Variants in JMY observed in about 807,000 individuals in gnomAD.
JMY encodes junction mediating and regulatory protein, p53 cofactor.
In JMY, 46 loss-of-function variants were observed where a neutral mutation model predicts 103.3. The observed-to-expected ratio is 0.45, with a 90% CI of 0.35 to 0.57. The LOEUF (loss-of-function observed/expected upper bound fraction) is 0.57, where lower values mean the gene tolerates loss of function less well. Among genes scored for constraint, JMY ranks in the 20% least tolerant of loss-of-function variants. JMY has a pLI of 0.00. For synonymous variants in JMY, 526 were observed against 489.3 expected, an observed-to-expected ratio of 1.07 and a Z score of -0.99; for missense variants, 1,238 against 1,255.2, an observed-to-expected ratio of 0.99 and a Z score of 0.21.
chr5:79,237,700 T>C lies in JMY; in HGVS notation c.1032+18T>C, dbSNP rs1246154059. The C allele has an allele frequency of 3.8e-6, 6 of 1,596,798 alleles. No individual in the cohort carries two copies. Among genetic ancestry groups the C allele is most frequent in the Non-Finnish European group, 5.1e-6 (6 of 1,169,464 alleles). On this transcript the variant is annotated intron_variant, in intron 1 of 10. Coordinates refer to ENST00000396137, the MANE Select transcript of JMY (RefSeq NM_152405.5). ...TCCAGGAGGTGAGTGAGTGAGCTCC[T>C]AGTCTGGGCTCTACTGGTCGCTTTT...
chr5:79,293,870 T>C (rs1370455784), intron 4 of JMY, among the ~76,000 whole-genome samples: 1 of 148,126 alleles, frequency 6.8e-6, no homozygotes, highest in Non-Finnish European at 1.5e-5. Context: ...GATTTGGAAA[T>C]AATAGCATAA....
At chr5:79,276,567 G>A (rs941934610) in intron 1 of JMY, among the ~76,000 whole-genome samples, 1 of 151,952 alleles carries the variant, frequency 6.6e-6, no homozygotes, top group Non-Finnish European at 1.5e-5. Flanking sequence ...GGGACTATCA[G>A]CTAATTTTTA....
intron 6 of JMY, among the ~76,000 whole-genome samples, chr5:79,305,128 GTTA>G (rs935764895): frequency 6.6e-6 from 1 of 152,120 alleles, no homozygotes; most frequent in African/African-American, 2.4e-5. Flanking sequence ...GACTTCAAAG[GTTA>G]TTATTTGACT....
chr5:79,297,918 G>T (rs751370272), intron 4 of JMY, among the ~76,000 whole-genome samples: 2 of 152,160 alleles, frequency 1.3e-5, no homozygotes, highest in Non-Finnish European at 2.9e-5. Flanking sequence ...TTTGATTTTT[G>T]ATATTGAGTG....
At chr5:79,272,659 GGCTTT>G (rs1745818974) in intron 1 of JMY, among the ~76,000 whole-genome samples, 1 of 151,992 alleles carries the variant, frequency 6.6e-6, no homozygotes, top group Admixed American at 6.6e-5. Context: ...TAAGAGACAG[GGCTTT>G]GTTCTTTCTC....
At chr5:79,253,617 A>G (rs1458249688) in intron 1 of JMY, among the ~76,000 whole-genome samples, 1 of 152,196 alleles carries the variant, frequency 6.6e-6, no homozygotes, top group Non-Finnish European at 1.5e-5. Flanking sequence ...TTTCTAAGAT[A>G]AGAGTAGCTT....
intron 2 of JMY, among the ~76,000 whole-genome samples, chr5:79,280,853 G>T (rs1033052616): frequency 7.5e-5 from 7 of 92,894 alleles, no homozygotes; most frequent in Admixed American, 2.2e-4. Flanking sequence ...TGATTCCAAA[G>T]ATTTTTTTTT....
At chr5:79,270,477 A>G (rs1379254783) in intron 1 of JMY, among the ~76,000 whole-genome samples, 1 of 102,070 alleles carries the variant, frequency 9.8e-6, no homozygotes, top group East Asian at 2.4e-4. Flanking sequence ...ATGTATATTT[A>G]CATAAATATT....
intron 10 of JMY, among the ~76,000 whole-genome samples, chr5:79,320,483 T>A (rs1356012108): frequency 6.6e-6 from 1 of 151,962 alleles, no homozygotes; most frequent in Non-Finnish European, 1.5e-5. Context: ...CTAATTTTTT[T>A]GAAGTTTTAG....
chr5:79,252,398 G>C (rs1024193546), intron 1 of JMY, among the ~76,000 whole-genome samples: 9 of 148,556 alleles, frequency 6.1e-5, no homozygotes, highest in Admixed American at 2.7e-4. Flanking sequence ...GCCTATCCTT[G>C]AGAGTGATAG....
At chr5:79,294,273 G>A (rs917622419) in intron 4 of JMY, among the ~76,000 whole-genome samples, 1 of 151,986 alleles carries the variant, frequency 6.6e-6, no homozygotes, top group Admixed American at 6.6e-5. Context: ...GGTGGGTGGC[G>A]TGCTCCTGTA....
chr5:79,267,072 C>T (rs1016706681), intron 1 of JMY, among the ~76,000 whole-genome samples: 6 of 152,142 alleles, frequency 3.9e-5, no homozygotes, highest in Non-Finnish European at 8.8e-5. Context: ...ACAGAGATTC[C>T]ATACTTCATA....
chr5:79,242,115 T>C (rs1380408864), intron 1 of JMY, among the ~76,000 whole-genome samples: 1 of 152,232 alleles, frequency 6.6e-6, no homozygotes, highest in Non-Finnish European at 1.5e-5. Context: ...ATTATGTTTA[T>C]AAAGATGTGC....
intron 1 of JMY, among the ~76,000 whole-genome samples, chr5:79,266,583 T>C (rs1354346052): frequency 6.6e-6 from 1 of 152,232 alleles, no homozygotes; most frequent in Non-Finnish European, 1.5e-5. Flanking sequence ...CCTGTTTTTG[T>C]GTTGGGTACA....
chr5:79,316,140 A>G lies in JMY; in HGVS notation c.2800A>G (p.Lys934Glu), dbSNP rs539688957. ...CTTGGCACAAATAAGGAAAGGGGTA[A>G]AATTGAAGAAGGTACAGAAGGATGT... ...NILAQIRKGVKLKKVQKDVLR... is the reference protein window; with the variant it reads ...NILAQIRKGVELKKVQKDVLR... The change falls in exon 10 of 11, where the codon AAA becomes GAA. Residue 934 changes from lysine (K) to glutamate (E), a missense_variant. Lys to Glu is a moderately conservative substitution (Grantham distance 56). Transcript: ENST00000396137. 6.2e-7 allele frequency: 1 copy of G among 1,614,188 alleles called. No individual in the cohort carries two copies. Among genetic ancestry groups the G allele is most frequent in the Admixed American group, 1.7e-5 (1 of 60,028 alleles).
At chr5:79,284,390 G>T in intron 2 of JMY, 1 of 1,345,626 alleles carries the variant, frequency 7.4e-7, no homozygotes, top group Non-Finnish European at 1.1e-6. Context: ...CAAGGCATTT[G>T]TCTGCACCTC....
intron 10 of JMY, among the ~76,000 whole-genome samples, chr5:79,318,297 G>A (rs893264988): frequency 6.6e-6 from 1 of 151,398 alleles, no homozygotes; most frequent in South Asian, 2.1e-4. Context: ...TTACAGGTGT[G>A]AGCCACCATG....
intron 1 of JMY, among the ~76,000 whole-genome samples, chr5:79,263,543 G>A (rs138051392): frequency 3.4e-4 from 52 of 152,226 alleles, no homozygotes; most frequent in Middle Eastern, 3.4e-3. Flanking sequence ...ACAGGTGTGC[G>A]CCACTACGCC....
chr5:79,312,559 A>G, intron 8 of JMY, 61 bp downstream of exon 8: 1 of 817,934 alleles, frequency 1.2e-6, no homozygotes, highest in Non-Finnish European at 1.8e-6. Context: ...ACAGAGCTAC[A>G]TATACACCTG....
Sources: gnomAD v4.1 joint callset for allele counts (sites outside exome capture counted in the v4.1 genomes callset) on GRCh38, gnomAD v4.1.1 for gene constraint, MANE v1.5 for transcripts, NCBI Gene and HGNC (gene_info 2026-07-23, HGNC 2026-07-21) for gene names.